The following FSTL4 variants were observed in gnomAD, a reference collection of about 807,000 sequenced individuals.
FSTL4 encodes the protein follistatin-related protein 4.
Under a neutral mutation model 78.2 loss-of-function variants are expected in FSTL4, and 28 were observed. That is an observed-to-expected ratio of 0.36 (90% CI 0.27 to 0.49). FSTL4 has a LOEUF of 0.49. FSTL4 is among the 20% of genes least tolerant of loss of function. The probability of loss-of-function intolerance (pLI) is 0.98; values close to 1 mark genes in which losing one functional copy is unlikely to be tolerated. For synonymous variants in FSTL4, 422 were observed against 440.5 expected, an observed-to-expected ratio of 0.96 and a Z score of 0.53; for missense variants, 922 against 1,084.9, an observed-to-expected ratio of 0.85 and a Z score of 2.11.
chr5:133,682,787 G>T, the FSTL4 span, among the ~76,000 whole-genome samples: 1 of 152,236 alleles, frequency 6.6e-6, no homozygotes, highest in Non-Finnish European at 1.5e-5. Flanking sequence ...CGGCAGTCTT[G>T]ATGTTCAGGT....
the FSTL4 span, among the ~76,000 whole-genome samples, chr5:133,758,935 C>G: frequency 0.22 from 33,854 of 152,150 alleles, 4,006 homozygotes; most frequent in East Asian, 0.41. Flanking sequence ...ATGGTGCATA[C>G]TGTCCCCTCA....
intron 3 of FSTL4, among the ~76,000 whole-genome samples, chr5:133,565,358 A>G (rs1242848139): frequency 6.6e-6 from 1 of 152,214 alleles, no homozygotes; most frequent in African/African-American, 2.4e-5. Flanking sequence ...CCCAGACCTA[A>G]AAATACTTAG....
intron 4 of FSTL4, among the ~76,000 whole-genome samples, chr5:133,355,746 C>A (rs1310590101): frequency 6.6e-6 from 1 of 152,174 alleles, no homozygotes; most frequent in Non-Finnish European, 1.5e-5. Context: ...AACAAATCTT[C>A]TAGTTATTTA....
chr5:133,604,291 C>T lies in FSTL4; in HGVS notation c.-10-298G>A, dbSNP rs1289604718. Among the ~76,000 whole-genome samples the T allele has an allele frequency of 4.6e-5, 7 of 152,152 alleles. No individual in the cohort carries two copies. The East Asian group carries it at 9.6e-4, about 21-fold the overall frequency. ...GAAACCCATTTGAAATGCCACCTAC[C>T]GTTACATCTATAAGAACAAACCAGG... On this transcript the variant is annotated intron_variant, in intron 1 of 15. Transcript: ENST00000265342.
At chr5:133,537,262 T>G (rs1272419136) in intron 3 of FSTL4, among the ~76,000 whole-genome samples, 1 of 152,228 alleles carries the variant, frequency 6.6e-6, no homozygotes, top group Non-Finnish European at 1.5e-5. Context: ...ACTGACCTTC[T>G]TATTAATTAA....
chr5:133,204,556 G>A (rs542520580), intron 14 of FSTL4, among the ~76,000 whole-genome samples: 1 of 152,218 alleles, frequency 6.6e-6, no homozygotes, highest in African/African-American at 2.4e-5. Flanking sequence ...CACTGGCCAG[G>A]CATGGTGGCT....
chr5:133,439,404 T>C (rs1757103332), intron 3 of FSTL4, among the ~76,000 whole-genome samples: 1 of 152,196 alleles, frequency 6.6e-6, no homozygotes, highest in Non-Finnish European at 1.5e-5. Flanking sequence ...CAAAAGCTAT[T>C]TGAGGCCTCT....
chr5:133,838,177 C>T, the FSTL4 span, among the ~76,000 whole-genome samples: 1 of 152,192 alleles, frequency 6.6e-6, no homozygotes, highest in Non-Finnish European at 1.5e-5. Context: ...TATGAGCCAC[C>T]GTGCCCAGCC....
the FSTL4 span, among the ~76,000 whole-genome samples, chr5:133,727,302 G>A: frequency 6.6e-6 from 1 of 151,924 alleles, no homozygotes; most frequent in African/African-American, 2.4e-5. Context: ...AAGGGTTAAA[G>A]AATCATTGCA....
At chr5:133,809,385 A>G in the FSTL4 span, among the ~76,000 whole-genome samples, 1 of 150,014 alleles carries the variant, frequency 6.7e-6, no homozygotes, top group African/African-American at 2.5e-5. Context: ...AAAAAAAAAA[A>G]AAGACCTCAG....
At chr5:133,781,334 A>T in the FSTL4 span, among the ~76,000 whole-genome samples, 1 of 151,916 alleles carries the variant, frequency 6.6e-6, no homozygotes, top group South Asian at 2.1e-4. Context: ...AAAAAGAAGC[A>T]TTCCAAACAA....
chr5:133,705,855 G>A, the FSTL4 span, among the ~76,000 whole-genome samples: 3,748 of 138,636 alleles, frequency 0.027, 155 homozygotes, highest in African/African-American at 0.1. Flanking sequence ...ACACACACGC[G>A]CGCACACACA....
the FSTL4 span, among the ~76,000 whole-genome samples, chr5:133,752,085 A>G: frequency 2.5e-4 from 38 of 152,238 alleles, no homozygotes; most frequent in Non-Finnish European, 5.3e-4. Context: ...ATGCTAAGCC[A>G]TAGAAGGTGC....
intron 11 of FSTL4, among the ~76,000 whole-genome samples, chr5:133,221,891 G>GTTTTTTTTTTTTTGTTTTTTTTTTTTT (rs1751119949): frequency 4.6e-5 from 2 of 43,358 alleles, no homozygotes; most frequent in African/African-American, 1.1e-4. Context: ...CTCTTTTCTA[G>GTTTTTTTTTTTTTGTTTTTTTTTTTTT]TTTTTTTTTT....
upstream of FSTL4, chr5:133,612,628 C>G (rs971399569): frequency 1.3e-5 from 2 of 151,698 alleles, no homozygotes; most frequent in Non-Finnish European, 1.5e-5. The surrounding 1 kb of genome is among the most constrained non-coding windows in gnomAD (Gnocchi z 6.2). Context: ...GCCCGCCAGC[C>G]GGTCAGACCC....
At chr5:133,421,678 A>G (rs1756699860) in intron 3 of FSTL4, among the ~76,000 whole-genome samples, 1 of 152,216 alleles carries the variant, frequency 6.6e-6, no homozygotes, top group African/African-American at 2.4e-5. Flanking sequence ...TCAGGAGGAT[A>G]ACAAGTGAGC....
the FSTL4 span, among the ~76,000 whole-genome samples, chr5:133,816,633 C>T: frequency 6.6e-6 from 1 of 152,174 alleles, no homozygotes; most frequent in Non-Finnish European, 1.5e-5. Flanking sequence ...AGAGGTTTGG[C>T]CATTGAGTAA....
intron 3 of FSTL4, among the ~76,000 whole-genome samples, chr5:133,447,410 G>A (rs1415715242): frequency 6.6e-6 from 1 of 152,200 alleles, no homozygotes; most frequent in Non-Finnish European, 1.5e-5. Context: ...CTTTTGAGAA[G>A]CACCTGGCTG....
At chr5:133,263,953 G>C (rs1290839176) in intron 6 of FSTL4, among the ~76,000 whole-genome samples, 1 of 152,130 alleles carries the variant, frequency 6.6e-6, no homozygotes, top group Non-Finnish European at 1.5e-5. Flanking sequence ...TGGGGATGTG[G>C]GGAACTGAAC....
Sources: gnomAD v4.1 joint callset for allele counts (sites outside exome capture counted in the v4.1 genomes callset) on GRCh38, gnomAD v4.1.1 for gene constraint, Gnocchi (gnomAD v3.1) non-coding constraint, MANE v1.5 for transcripts, NCBI Gene and HGNC (gene_info 2026-07-23, HGNC 2026-07-21) for gene names.